PRKG1: variants seen among roughly 807,000 people sequenced by gnomAD.
PRKG1 encodes the protein cGMP-dependent protein kinase 1.
Under a neutral mutation model 88.1 loss-of-function variants are expected in PRKG1, and 35 were observed. That is an observed-to-expected ratio of 0.40 (90% confidence interval 0.30 to 0.53). PRKG1 has a LOEUF of 0.53. Ranked by LOEUF, PRKG1 falls within the 20% of genes least tolerant of loss-of-function variation. PRKG1 has a pLI of 0.59. For synonymous variants in PRKG1, 303 were observed against 292.5 expected, an observed-to-expected ratio of 1.04 and a Z score of -0.37; for missense variants, 540 against 839.8, an observed-to-expected ratio of 0.64 and a Z score of 4.41.
intron 9 of PRKG1, chr10:52,185,179 A>G (rs1839158878): frequency 6.6e-6 from 1 of 152,216 alleles, no homozygotes; most frequent in Non-Finnish European, 1.5e-5. Context: ...AATCAAAACA[A>G]GTTATTTACA....
chr10:51,018,467 C>T (rs1381722078), intron 1 of PRKG1, among the ~76,000 whole-genome samples: 1 of 152,110 alleles, frequency 6.6e-6, no homozygotes, highest in African/African-American at 2.4e-5. Flanking sequence ...TTAGTGGAGT[C>T]AGGATTAAAA....
intron 9 of PRKG1, among the ~76,000 whole-genome samples, chr10:52,249,509 C>T (rs894502632): frequency 6.6e-6 from 1 of 152,126 alleles, no homozygotes; most frequent in Non-Finnish European, 1.5e-5. Context: ...TAATGTGCAA[C>T]AAAAGGCTAG....
intron 3 of PRKG1, among the ~76,000 whole-genome samples, chr10:51,737,138 G>C (rs922687002): frequency 6.6e-6 from 1 of 152,108 alleles, no homozygotes; most frequent in Admixed American, 6.6e-5. Flanking sequence ...TGTACCTAAA[G>C]GAACTACTAT....
At chr10:51,249,425 C>A (rs1221843070) in intron 2 of PRKG1, among the ~76,000 whole-genome samples, 2 of 151,760 alleles carry the variant, frequency 1.3e-5, no homozygotes, top group African/African-American at 4.8e-5. Flanking sequence ...AAATATAAAT[C>A]TGGAAACTGT....
intron 1 of PRKG1, among the ~76,000 whole-genome samples, chr10:51,016,099 C>T (rs140322216): frequency 1.3e-5 from 2 of 152,144 alleles, no homozygotes; most frequent in East Asian, 1.9e-4. Context: ...CCTTCTAGAA[C>T]GCAGTTTCAG....
At chr10:51,009,275 A>G (rs1044566923) in intron 1 of PRKG1, among the ~76,000 whole-genome samples, 1 of 152,236 alleles carries the variant, frequency 6.6e-6, no homozygotes, top group African/African-American at 2.4e-5. Flanking sequence ...TGGTGTATTT[A>G]TCTAACTAAT....
At chr10:51,613,050 G>A (rs950519256) in intron 3 of PRKG1, among the ~76,000 whole-genome samples, 19 of 151,890 alleles carry the variant, frequency 1.3e-4, no homozygotes, top group African/African-American at 4.6e-4. Context: ...TTGTGTGTAT[G>A]TTCATTACGG....
At chr10:52,101,546 T>C (rs1847293479) in intron 7 of PRKG1, among the ~76,000 whole-genome samples, 1 of 152,180 alleles carries the variant, frequency 6.6e-6, no homozygotes, top group South Asian at 2.1e-4. Context: ...GGGCACTTAA[T>C]AACAATAGTA....
At chr10:51,803,002 G>GTT (rs1031193322) in intron 3 of PRKG1, among the ~76,000 whole-genome samples, 1 of 152,060 alleles carries the variant, frequency 6.6e-6, no homozygotes, top group African/African-American at 2.4e-5. Context: ...TCCCCACCCA[G>GTT]TTACTCTTTG....
At chr10:51,454,234 GA>G (rs1395241776) in intron 2 of PRKG1, among the ~76,000 whole-genome samples, 1 of 151,900 alleles carries the variant, frequency 6.6e-6, no homozygotes, top group East Asian at 1.9e-4. Flanking sequence ...CATAAAGCTA[GA>G]AAAAAACAAC....
At position 51,512,175 on chromosome 10, in the gene PRKG1, A is replaced by ATT. The variant is rs59298858; in HGVS notation, c.592+44354_592+44355dup. Among the ~76,000 whole-genome samples, 178 of 132,782 alleles carry ATT rather than the reference A, an allele frequency of 1.3e-3. 2 individuals carry two copies. In the Middle Eastern group the frequency reaches 0.016, roughly 12 times the overall value. 87.1% of individuals were successfully genotyped at this position (132,782 alleles called of 152,430 possible). A position where few individuals can be genotyped will look rare whatever the true frequency, so the allele number is the denominator to read the frequency against. ...GAGAGTACTTCTCTCATTCTAATTA[A>ATT]TTTTTTTTTTTTTTTTAGTTTTTTT... On this transcript the variant is annotated intron_variant, in intron 3 of 17. Coordinates refer to ENST00000373980, the MANE Select transcript of PRKG1 (RefSeq NM_006258.4).
chr10:51,842,066 A>G (rs574592997), intron 4 of PRKG1, among the ~76,000 whole-genome samples: 1 of 152,328 alleles, frequency 6.6e-6, no homozygotes, highest in African/African-American at 2.4e-5. Context: ...CCAGATTCTC[A>G]GCTAACACAG....
intron 7 of PRKG1, among the ~76,000 whole-genome samples, chr10:52,112,519 G>A (rs1184584940): frequency 2.0e-5 from 3 of 152,084 alleles, no homozygotes; most frequent in Admixed American, 6.5e-5. Context: ...AAATTATAAT[G>A]AGCACCAATA....
chr10:51,792,674 G>A (rs944465557), intron 3 of PRKG1, among the ~76,000 whole-genome samples: 1 of 151,992 alleles, frequency 6.6e-6, no homozygotes, highest in African/African-American at 2.4e-5. Context: ...CGCCAAAATG[G>A]AAAAAGGCAA....
chr10:51,316,519 TA>T (rs1841324522), intron 2 of PRKG1, among the ~76,000 whole-genome samples: 1 of 151,886 alleles, frequency 6.6e-6, no homozygotes. Context: ...CCATCTCTAC[TA>T]AAAATACAAA....
At chr10:51,550,419 A>G (rs993303676) in intron 3 of PRKG1, among the ~76,000 whole-genome samples, 2 of 151,992 alleles carry the variant, frequency 1.3e-5, no homozygotes, top group African/African-American at 4.8e-5. Context: ...TAATTTTAGT[A>G]CAAATGACGA....
chr10:52,247,811 G>T (rs979046657), intron 9 of PRKG1, among the ~76,000 whole-genome samples: 23 of 152,220 alleles, frequency 1.5e-4, no homozygotes, highest in African/African-American at 5.3e-4. Flanking sequence ...GCTCGGTCGG[G>T]GAGACCCTAA....
At chr10:51,219,256 T>G (rs1008434077) in intron 2 of PRKG1, among the ~76,000 whole-genome samples, 1 of 152,182 alleles carries the variant, frequency 6.6e-6, no homozygotes, top group South Asian at 2.1e-4. Context: ...TATATATAAA[T>G]TGTTAAACAT....
rs76750928 is a variant in PRKG1, at chr10:51,803,706, G to A, written c.593-879G>A. On this transcript the variant is annotated intron_variant, in intron 3 of 17. Transcript: ENST00000373980. ...CTCAGACTACATTCCCCATGACTAT[G>A]ATATTTGAATTGTTTTTTTTTAGTT... Among the ~76,000 whole-genome samples, 16 of 151,822 alleles carry A rather than the reference G, an allele frequency of 1.1e-4. No homozygotes were observed. The East Asian group carries it at 2.9e-3, about 27-fold the overall frequency.
Sources: gnomAD v4.1 joint callset for allele counts (sites outside exome capture counted in the v4.1 genomes callset) on GRCh38, gnomAD v4.1.1 for gene constraint, MANE v1.5 for transcripts, NCBI Gene and HGNC (gene_info 2026-07-23, HGNC 2026-07-21) for gene names.